TNFAIP2: variants seen among roughly 807,000 people sequenced by gnomAD.
The protein encoded by TNFAIP2 is tumor necrosis factor alpha-induced protein 2.
In TNFAIP2, 47 loss-of-function variants were observed where a neutral mutation model predicts 63.5. The observed-to-expected ratio is 0.74, with a 90% confidence interval of 0.59 to 0.94. TNFAIP2 has a LOEUF of 0.94. TNFAIP2 is among the 40% of genes least tolerant of loss of function. The pLI is 0.00. For missense variants in TNFAIP2, 787 were observed against 850.2 expected, an observed-to-expected ratio of 0.93 and a Z score of 0.92; for synonymous variants, 405 against 390.2, an observed-to-expected ratio of 1.04 and a Z score of -0.45.
chr14:103,126,891 T>A, intron 2 of TNFAIP2, 114 bp from the exon 3 acceptor site: 1 of 1,394,036 alleles, frequency 7.2e-7, no homozygotes, highest in Non-Finnish European at 9.4e-7. Context: ...CCCTTTAGGG[T>A]GTTGGCCGCC....
At position 103,129,983 on chromosome 14, in the gene TNFAIP2, C is replaced by T; in HGVS notation, c.976-19C>T. The T allele has an allele frequency of 1.2e-6, 2 of 1,610,544 alleles. No homozygotes were observed. The highest frequency in any genetic ancestry group is 1.7e-6 in the Non-Finnish European group (2 of 1,179,524). On this transcript the variant is annotated intron_variant, in intron 4 of 11. Transcript: ENST00000560869. ...GAGGTGAGGGATAGTGCCCCAGTGA[C>T]CTGCCCCTCCTCCTCCAGGCCAATG...
Position 103,136,020 on chromosome 14 carries a change from C to A in TNFAIP2, c.*660C>A. 1 of 1,282,174 alleles carries A rather than the reference C, an allele frequency of 7.8e-7. No homozygotes were observed. The highest frequency in any genetic ancestry group is 1.0e-6 in the Non-Finnish European group (1 of 985,822). The allele number at this position is 1,282,174 out of a possible 1,614,324, so 79.4% of individuals were successfully genotyped here. Reference sequence around the variant, plus strand: ...GGGCCCTGAGCCCTCCCTCTTCATCCCCCAAGGCCTCAACTAGAGGGTGGT... The same window carrying A: ...GGGCCCTGAGCCCTCCCTCTTCATCACCCAAGGCCTCAACTAGAGGGTGGT... On this transcript the variant is annotated 3_prime_UTR_variant, in exon 12 of 12. Transcript: ENST00000560869.
intron 3 of TNFAIP2, among the ~76,000 whole-genome samples, chr14:103,129,255 C>T (rs921620557): frequency 2.6e-5 from 4 of 152,178 alleles, no homozygotes; most frequent in African/African-American, 9.7e-5. Flanking sequence ...TGGCTGGATT[C>T]CAGGGCTGCT....
chr14:103,127,073 C>A lies in TNFAIP2; in HGVS notation c.304C>A (p.Arg102=). ...EAARPLLALE[R]ELAAAAAAGG... is the part of the protein sequence containing the mutation. ...GGCGCGGCCGCTGCTGGCGCTGGAGCGGGAGCTGGCGGCGGCGGCGGCGGC... is the reference window on the plus strand; with the variant it reads ...GGCGCGGCCGCTGCTGGCGCTGGAGAGGGAGCTGGCGGCGGCGGCGGCGGC... Residue 102 remains arginine (R), a synonymous_variant, in exon 3 of 12, where the codon CGG becomes AGG. Transcript: ENST00000560869. This position sits in a 1 kb window ranked among gnomAD's most constrained non-coding sequence, Gnocchi z 5.1. 8.9e-7 allele frequency: 1 copy of A among 1,122,926 alleles called. No homozygotes were observed. Among genetic ancestry groups the A allele is most frequent in the South Asian group, 3.6e-5 (1 of 27,722 alleles). The allele number at this position is 1,122,926 out of a possible 1,614,324, so 69.6% of individuals were successfully genotyped here. A position where few individuals can be genotyped will look rare whatever the true frequency, so the allele number is the denominator to read the frequency against.
At position 103,127,157 on chromosome 14, in the gene TNFAIP2, G is replaced by A. The variant is rs1416234874; in HGVS notation, c.388G>A (p.Glu130Lys). 1 of 1,119,102 alleles carries A rather than the reference G, an allele frequency of 8.9e-7. No homozygotes were observed. The highest frequency in any genetic ancestry group is 1.1e-6 in the Non-Finnish European group (1 of 913,400). 69.3% of individuals were successfully genotyped at this position (1,119,102 alleles called of 1,614,324 possible). Reference protein sequence around the residue: ...RRQSKVEALYELLRDQVLGVL... With the variant: ...RRQSKVEALYKLLRDQVLGVL... ...CCAGAGCAAGGTGGAGGCGCTGTACGAGCTGCTGCGCGACCAGGTGCTGGG... is the reference window on the plus strand; with the variant it reads ...CCAGAGCAAGGTGGAGGCGCTGTACAAGCTGCTGCGCGACCAGGTGCTGGG... The change falls in exon 3 of 12, where the codon GAG becomes AAG. Residue 130 changes from glutamate (E) to lysine (K), a missense_variant. Transcript: ENST00000560869. This position sits in a 1 kb window ranked among gnomAD's most constrained non-coding sequence, Gnocchi z 5.1.
chr14:103,122,381 G>A (rs532191262), upstream of TNFAIP2, among the ~76,000 whole-genome samples: 2 of 152,200 alleles, frequency 1.3e-5, no homozygotes, highest in African/African-American at 4.8e-5. Flanking sequence ...GTGATCAGGG[G>A]GCGGGGAAAG....
At position 103,127,851 on chromosome 14, in the gene TNFAIP2, C is replaced by T. The variant is rs1033521421; in HGVS notation, c.860+222C>T. Among the ~76,000 whole-genome samples the T allele has an allele frequency of 1.3e-5, 2 of 152,162 alleles. No individual in the cohort carries two copies. Among genetic ancestry groups the T allele is most frequent in the Admixed American group, 1.3e-4 (2 of 15,274 alleles). Reference sequence around the variant, plus strand: ...AGGGATAAGGCTGGGGCTGGGTCTGCGTTGCTCTTGGAATCCTTAATTTCC... The same window carrying T: ...AGGGATAAGGCTGGGGCTGGGTCTGTGTTGCTCTTGGAATCCTTAATTTCC... On this transcript the variant is annotated intron_variant, in intron 3 of 11. Transcript: ENST00000560869. This position sits in a 1 kb window ranked among gnomAD's most constrained non-coding sequence, Gnocchi z 5.1.
At chr14:103,128,633 G>C (rs368919640) in intron 3 of TNFAIP2, among the ~76,000 whole-genome samples, 1 of 152,180 alleles carries the variant, frequency 6.6e-6, no homozygotes, top group Admixed American at 6.5e-5. Context: ...GGCTCAGTTC[G>C]TGTTGAAGGG....
rs2087893302 is a variant in TNFAIP2, at chr14:103,127,795, G to T, written c.860+166G>T. 6.6e-6 allele frequency among the ~76,000 whole-genome samples: 1 copy of T among 152,194 alleles called. No homozygotes were observed. The highest frequency in any genetic ancestry group is 1.5e-5 in the Non-Finnish European group (1 of 68,034). On this transcript the variant is annotated intron_variant, in intron 3 of 11. Coordinates refer to ENST00000560869, the MANE Select transcript of TNFAIP2 (RefSeq NM_006291.4). This position sits in a 1 kb window ranked among gnomAD's most constrained non-coding sequence, Gnocchi z 5.1. ...TGGGACTTGGACTCCCTGGGGCAGA[G>T]CCTGGACAGGCAGAGACTGGGCCTG...
rs147415735 is a variant in TNFAIP2, at chr14:103,133,394, G to C, written c.1578G>C (p.Val526=). 1.5e-5 allele frequency: 24 copies of C among 1,613,862 alleles called. No individual in the cohort carries two copies. The African/African-American group carries it at 2.7e-4, about 18-fold the overall frequency. The part of the protein sequence containing the change: ...ELMEALHLHL[V]KEYIIQLSKG... ...TGGAGGCCTTGCACCTGCACCTGGT[G>C]AAGGAGTACATCATCCAACTCAGCA... Residue 526 remains valine, a synonymous_variant, in exon 10 of 12, where the codon GTG becomes GTC. Coordinates refer to ENST00000560869, the MANE Select transcript of TNFAIP2 (RefSeq NM_006291.4).
chr14:103,126,752 G>T (rs962857547), intron 2 of TNFAIP2, 60 bp downstream of exon 2: 4 of 1,482,716 alleles, frequency 2.7e-6, no homozygotes, highest in Non-Finnish European at 3.6e-6. Flanking sequence ...GCGCTCATCC[G>T]CGTGAGTGAG....
Position 103,135,775 on chromosome 14 carries a change from C to T in TNFAIP2, c.*415C>T. On this transcript the variant is annotated 3_prime_UTR_variant, in exon 12 of 12. Coordinates refer to ENST00000560869, the MANE Select transcript of TNFAIP2 (RefSeq NM_006291.4). This position sits in a 1 kb window ranked among gnomAD's most constrained non-coding sequence, Gnocchi z 7.6. ...AGGGCCCTCTTCAGCTCTCTGGAGACAGGGGCCGAGCCTCACCCATCTGCC... is the reference window on the plus strand; with the variant it reads ...AGGGCCCTCTTCAGCTCTCTGGAGATAGGGGCCGAGCCTCACCCATCTGCC... 1.6e-6 allele frequency: 2 copies of T among 1,288,888 alleles called. No individual in the cohort carries two copies. The highest frequency in any genetic ancestry group is 2.0e-6 in the Non-Finnish European group (2 of 990,428). The allele number at this position is 1,288,888 out of a possible 1,614,324, so 79.8% of individuals were successfully genotyped here.
chr14:103,127,403 G>T lies in TNFAIP2; in HGVS notation c.634G>T (p.Val212Phe). ...CCAGCGGCCGGCCGCGGGCGCCGAGGTCCCCGAGAGCGTCTTTCTGCACTT... is the reference window on the plus strand; with the variant it reads ...CCAGCGGCCGGCCGCGGGCGCCGAGTTCCCCGAGAGCGTCTTTCTGCACTT... ...MGQRPAAGAE[V>F]PESVFLHLGR... Residue 212 changes from valine (V) to phenylalanine (F), a missense_variant, in exon 3 of 12, where the codon GTC becomes TTC. Physicochemically the swap from Val to Phe is conservative, Grantham distance 50 (BLOSUM62 -1). This residue lies in a region of TNFAIP2 where 523 missense variants were observed against 604.1 expected (regional missense o/e 0.87). Transcript: ENST00000560869. This position sits in a 1 kb window ranked among gnomAD's most constrained non-coding sequence, Gnocchi z 5.1. 6.4e-7 allele frequency: 1 copy of T among 1,555,016 alleles called. No homozygotes were observed. The highest frequency in any genetic ancestry group is 8.6e-7 in the Non-Finnish European group (1 of 1,158,020).
At chr14:103,126,884 T>G in intron 2 of TNFAIP2, 121 bp from the exon 3 acceptor site, 1 of 1,394,084 alleles carries the variant, frequency 7.2e-7, no homozygotes, top group Non-Finnish European at 9.4e-7. Flanking sequence ...GACATCACCC[T>G]TTAGGGTGTT....
chr14:103,132,582 A>G, intron 8 of TNFAIP2, 168 bp from the exon 9 acceptor site: 1 of 953,234 alleles, frequency 1.0e-6, no homozygotes, highest in Non-Finnish European at 1.6e-6. Flanking sequence ...CCTGTCTGTG[A>G]GCAGGGACCT....
In TNFAIP2 at chr14:103,131,762, G is replaced by A. The variant is rs1220079275; in HGVS notation, c.1422G>A (p.Lys474=). ...TCCAGAACCTGCATGAGGACCTGAA[G>A]GTAGCGGGAGCCTCTTGCCCTCAGG... ...TLLQNLHEDL[K]PLFKRFTHTR... Residue 474 remains lysine, a splice_region_variant and synonymous_variant, in exon 8 of 12, where the codon AAG becomes AAA. Transcript: ENST00000560869. The surrounding 1 kb of genome is among the most constrained non-coding windows in gnomAD (Gnocchi z 4.0). 1.9e-6 allele frequency: 3 copies of A among 1,610,986 alleles called. No homozygotes were observed. The highest frequency in any genetic ancestry group is 2.5e-6 in the Non-Finnish European group (3 of 1,179,012).
rs1387412104 is a variant in TNFAIP2 at position 103,136,062 on chromosome 14, G to A, written c.*702G>A. ...GAGGGTGGTCCCCCGAGGGCTTGGT[G>A]TCTACTACCGAAGGGCCCAAGACCT... On this transcript the variant is annotated 3_prime_UTR_variant, in exon 12 of 12. Coordinates refer to ENST00000560869, the MANE Select transcript of TNFAIP2 (RefSeq NM_006291.4). 4.1e-6 allele frequency: 5 copies of A among 1,228,860 alleles called. No homozygotes were observed. Among genetic ancestry groups the A allele is most frequent in the Non-Finnish European group, 5.2e-6 (5 of 958,118 alleles). The allele number at this position is 1,228,860 out of a possible 1,614,324, so 76.1% of individuals were successfully genotyped here.
rs1566963538 is a variant in TNFAIP2 at position 103,129,655 on chromosome 14, A to G, written c.861-85A>G. On this transcript the variant is annotated intron_variant, in intron 3 of 11. Transcript: ENST00000560869. ...GCTGGGCAGTCTGGGCCTGCCAGAG[A>G]CCAAGGCTGAGGGCCTGGGCTCTAG... 3.9e-6 allele frequency: 5 copies of G among 1,294,314 alleles called. No homozygotes were observed. In the Admixed American group the frequency reaches 6.9e-5, roughly 18 times the overall value. The allele number at this position is 1,294,314 out of a possible 1,614,324, so 80.2% of individuals were successfully genotyped here.
At chr14:103,128,497 G>A (rs2087907390) in intron 3 of TNFAIP2, among the ~76,000 whole-genome samples, 1 of 152,166 alleles carries the variant, frequency 6.6e-6, no homozygotes, top group Non-Finnish European at 1.5e-5. Context: ...GGGAGTCCAG[G>A]GGCTGTTATT....
Sources: allele counts gnomAD v4.1 joint callset (sites outside exome capture counted in the v4.1 genomes callset), GRCh38; gene constraint gnomAD v4.1.1; regional missense constraint gnomAD v4.1.1; non-coding constraint Gnocchi (gnomAD v3.1); transcripts MANE v1.5; gene names NCBI Gene and HGNC (gene_info 2026-07-23, HGNC 2026-07-21).